The following VWF variants were observed in gnomAD, a reference collection of about 807,000 sequenced individuals.
VWF encodes the protein Factor VIII related antigen.
A neutral mutation model predicts 308.6 loss-of-function variants in VWF; 176 were observed. That is an observed-to-expected ratio of 0.57 (90% CI 0.50 to 0.65). The LOEUF is 0.65. VWF is among the 30% of genes least tolerant of loss of function. VWF has a pLI of 0.00. For missense variants in VWF, 3,146 were observed against 3,648.2 expected (o/e 0.86, Z 3.55); for synonymous variants, 1,385 against 1,443.4 (o/e 0.96, Z 0.92).
At chr12:5,980,607 G>A (rs988561424) in intron 42 of VWF, among the ~76,000 whole-genome samples, 6 of 152,158 alleles carry the variant, frequency 3.9e-5, no homozygotes, top group African/African-American at 7.2e-5. Context: ...GCAGGAAGAC[G>A]AGAAGGAGAA....
At chr12:6,116,601 C>T (rs1279319359) in intron 3 of VWF, among the ~76,000 whole-genome samples, 2 of 152,160 alleles carry the variant, frequency 1.3e-5, no homozygotes, top group African/African-American at 2.4e-5. Flanking sequence ...AGAGCCAGAT[C>T]CTGCAGCCGT....
intron 40 of VWF, 80 bp from the exon 41 acceptor site, chr12:5,983,334 C>A: frequency 7.2e-7 from 1 of 1,379,344 alleles, no homozygotes; most frequent in Non-Finnish European, 1.0e-6. Flanking sequence ...ATGCTACATT[C>A]CTATTCATGC....
rs1944805776 is a variant in VWF, at chr12:6,073,649, C to G, written c.967G>C (p.Glu323Gln). The change falls in exon 8 of 52, where the codon GAG (glutamate) becomes CAG (glutamine). Residue 323 changes from glutamate to glutamine, a missense_variant. This residue lies in a region of VWF where 1,304 missense variants were observed against 1,353.0 expected (regional missense o/e 0.96). Coordinates refer to ENST00000261405, the MANE Select transcript of VWF (RefSeq NM_000552.5). ...QSLHINEMCQ[E>Q]RCVDGCSCPE... The stretch of plus-strand genomic sequence containing the variant: ...CAGCTGCAGCCATCCACGCATCGCT[C>G]CTGACACATTTCATTGATGTGCAGG... 7 of 1,614,140 alleles carry G rather than the reference C, an allele frequency of 4.3e-6. No individual in the cohort carries two copies. Among genetic ancestry groups the G allele is most frequent in the Non-Finnish European group, 5.9e-6 (7 of 1,180,038 alleles).
At chr12:6,015,561 T>C (rs914350290) in intron 31 of VWF, among the ~76,000 whole-genome samples, 2 of 152,134 alleles carry the variant, frequency 1.3e-5, no homozygotes, top group African/African-American at 4.8e-5. Context: ...CCTGTTGATA[T>C]TAAGAACATG....
chr12:6,003,964 C>T (rs112995812), intron 34 of VWF, among the ~76,000 whole-genome samples: 4,085 of 151,858 alleles, frequency 0.027, 193 homozygotes, highest in African/African-American at 0.094. Flanking sequence ...TACAGGCGCC[C>T]GCCACCACGC....
rs562728851 is a variant in VWF, at chr12:6,067,702, G to A, written c.1157-2429C>T. On this transcript the variant is annotated intron_variant, in intron 10 of 51. Transcript: ENST00000261405. ...CTCACCCATCCTCCACCCAGGATGG[G>A]ACACTAGGATATTCCCCATCAGTCA... Among the ~76,000 whole-genome samples, 3 of 152,278 alleles carry A rather than the reference G, an allele frequency of 2.0e-5. No individual in the cohort carries two copies. In the East Asian group the frequency reaches 5.8e-4, roughly 29 times the overall value.
At chr12:5,998,240 T>A (rs1400134622) in intron 34 of VWF, among the ~76,000 whole-genome samples, 4 of 151,718 alleles carry the variant, frequency 2.6e-5, no homozygotes, top group Non-Finnish European at 5.9e-5. Context: ...GGCTCATACC[T>A]GTAATCTCAG....
chr12:6,071,200 G>A (rs1944776252), intron 10 of VWF, 97 bp downstream of exon 10: 15 of 1,459,166 alleles, frequency 1.0e-5, no homozygotes, highest in African/African-American at 1.4e-5. Context: ...GCAACTTCTC[G>A]CTGCCTTGAG....
At chr12:5,991,772 C>A (rs781179918) in intron 38 of VWF, 47 bp downstream of exon 38, 86 of 1,598,194 alleles carry the variant, frequency 5.4e-5, no homozygotes, top group Admixed American at 2.8e-4. Context: ...CCCTTTTGAC[C>A]CAAGAGGGAA....
chr12:5,983,928 GA>G (rs1222907009), intron 40 of VWF, among the ~76,000 whole-genome samples: 1 of 151,610 alleles, frequency 6.6e-6, no homozygotes, highest in African/African-American at 2.4e-5. Flanking sequence ...ACATAGGTTA[GA>G]TAGAGATAGG....
chr12:6,036,518 C>A, intron 18 of VWF, 27 bp from the exon 19 acceptor site: 3 of 1,606,604 alleles, frequency 1.9e-6, no homozygotes, highest in Non-Finnish European at 2.6e-6. Context: ...CAAAAGTCCT[C>A]AGGGCCACAG....
chr12:6,074,405 G>A (rs1944816270), intron 7 of VWF, among the ~76,000 whole-genome samples: 2 of 150,686 alleles, frequency 1.3e-5, no homozygotes, highest in Admixed American at 1.3e-4. Context: ...CTCTTTTCTG[G>A]GCTTTCTGAC....
chr12:5,951,951 G>A (rs71581031), intron 49 of VWF, 68 bp from the exon 50 acceptor site: 106 of 1,542,828 alleles, frequency 6.9e-5, no homozygotes, highest in African/African-American at 1.9e-4. Context: ...AGGTCACTCC[G>A]GGCCAATTTT....
intron 50 of VWF, among the ~76,000 whole-genome samples, chr12:5,951,273 C>T (rs564330340): frequency 4.6e-5 from 7 of 152,244 alleles, no homozygotes; most frequent in Non-Finnish European, 7.3e-5. Flanking sequence ...ATCAGTAGGA[C>T]ATAACTACGA....
At chr12:6,003,038 C>G (rs576777213) in intron 34 of VWF, among the ~76,000 whole-genome samples, 1 of 152,032 alleles carries the variant, frequency 6.6e-6, no homozygotes, top group Non-Finnish European at 1.5e-5. Context: ...AGATGGTAGA[C>G]TCACTAAAGA....
At chr12:5,966,552 C>T (rs1156564591) in intron 47 of VWF, among the ~76,000 whole-genome samples, 1 of 152,122 alleles carries the variant, frequency 6.6e-6, no homozygotes, top group Non-Finnish European at 1.5e-5. Context: ...GTCCCTTGTC[C>T]TCAACAGTGT....
At chr12:6,076,278 C>T (rs775761572) in intron 6 of VWF, among the ~76,000 whole-genome samples, 5 of 152,214 alleles carry the variant, frequency 3.3e-5, no homozygotes, top group South Asian at 2.1e-4. Flanking sequence ...TGCTCACTCA[C>T]GAGTATCAAC....
chr12:6,031,656 T>C (rs1241066040), intron 20 of VWF, 78 bp from the exon 21 acceptor site: 1 of 1,608,702 alleles, frequency 6.2e-7, no homozygotes, highest in East Asian at 2.2e-5. Context: ...CATCTCTTCA[T>C]CACAGGCCTT....
intron 10 of VWF, among the ~76,000 whole-genome samples, chr12:6,066,902 C>T (rs1322969093): frequency 6.6e-6 from 1 of 152,230 alleles, no homozygotes; most frequent in Non-Finnish European, 1.5e-5. Context: ...TGTATGAAGG[C>T]AGGATTAAGG....
Sources: allele counts gnomAD v4.1 joint callset (sites outside exome capture counted in the v4.1 genomes callset), GRCh38; gene constraint gnomAD v4.1.1; regional missense constraint gnomAD v4.1.1; transcripts MANE v1.5; gene names NCBI Gene and HGNC (gene_info 2026-07-23, HGNC 2026-07-21).